The following PAK5 variants were observed in gnomAD, a reference collection of about 807,000 sequenced individuals.
PAK5 encodes the protein p21 (RAC1) activated kinase 5, also known as serine/threonine-protein kinase PAK 5.
A neutral mutation model predicts 65.9 loss-of-function variants in PAK5; 16 were observed. That is an observed-to-expected ratio of 0.24 (90% CI 0.16 to 0.37). The LOEUF is 0.37. Ranked by LOEUF, PAK5 falls within the 10% of genes least tolerant of loss-of-function variation. The pLI, the probability that PAK5 is intolerant of heterozygous loss-of-function variation, is 1.00. For missense variants in PAK5, 785 were observed against 903.9 expected (o/e 0.87, Z 1.69); for synonymous variants, 371 against 354.9 (o/e 1.05, Z -0.51).
intron 3 of PAK5, among the ~76,000 whole-genome samples, chr20:9,599,428 C>CTGTTTTCCACAGCAGCTGCACCATTT (rs1204029688): frequency 1.3e-5 from 2 of 152,208 alleles, no homozygotes; most frequent in Admixed American, 6.5e-5. Flanking sequence ...AATCAACAAA[C>CTGTTTTCCACAGCAGCTGCACCATTT]TGTTTTCCAC....
chr20:9,790,499 G>A (rs969699081), intron 1 of PAK5, among the ~76,000 whole-genome samples: 3 of 151,982 alleles, frequency 2.0e-5, no homozygotes, highest in Non-Finnish European at 2.9e-5. Flanking sequence ...CTTATAAAGA[G>A]TTGAATTTGA....
intron 1 of PAK5, among the ~76,000 whole-genome samples, chr20:9,785,217 G>T (rs1185346671): frequency 2.0e-5 from 3 of 152,102 alleles, no homozygotes; most frequent in African/African-American, 7.2e-5. Flanking sequence ...TTATTCCATA[G>T]TTATCATGCA....
At chr20:9,588,210 GAAGA>G (rs2046104274) in intron 3 of PAK5, among the ~76,000 whole-genome samples, 1 of 152,006 alleles carries the variant, frequency 6.6e-6, no homozygotes, top group Non-Finnish European at 1.5e-5. Context: ...CATTTAGAAA[GAAGA>G]AATTTTAATC....
At chr20:9,684,033 G>A (rs2047685274) in intron 2 of PAK5, among the ~76,000 whole-genome samples, 1 of 152,182 alleles carries the variant, frequency 6.6e-6, no homozygotes, top group Admixed American at 6.5e-5. Context: ...CTGGGTCCCT[G>A]ATGGAGCATG....
chr20:9,627,898 A>G (rs1324902454), intron 3 of PAK5, among the ~76,000 whole-genome samples: 8 of 152,214 alleles, frequency 5.3e-5, no homozygotes, highest in Non-Finnish European at 1.0e-4. Context: ...AAGTGCTGGG[A>G]TTATAGGCAT....
At chr20:9,748,696 C>T (rs564318334) in intron 1 of PAK5, among the ~76,000 whole-genome samples, 3 of 152,250 alleles carry the variant, frequency 2.0e-5, no homozygotes, top group East Asian at 3.9e-4. Flanking sequence ...CACATAACAA[C>T]TCAGACCAAG....
At chr20:9,663,821 G>T (rs2047377871) in intron 2 of PAK5, among the ~76,000 whole-genome samples, 1 of 152,076 alleles carries the variant, frequency 6.6e-6, no homozygotes, top group African/African-American at 2.4e-5. Flanking sequence ...TAAAGGTATT[G>T]CTTTATATTT....
intron 2 of PAK5, among the ~76,000 whole-genome samples, chr20:9,707,732 T>C (rs1325177419): frequency 1.3e-5 from 2 of 152,174 alleles, no homozygotes; most frequent in African/African-American, 4.8e-5. Flanking sequence ...TTGCCATAAA[T>C]AAGTCTTGGC....
intron 2 of PAK5, among the ~76,000 whole-genome samples, chr20:9,698,201 T>G (rs2047894458): frequency 1.3e-5 from 2 of 152,122 alleles, no homozygotes; most frequent in Non-Finnish European, 2.9e-5. Flanking sequence ...AACTATATAC[T>G]CTTTTTCTTT....
chr20:9,821,434 A>G (rs1006177750), intron 1 of PAK5, among the ~76,000 whole-genome samples: 2 of 152,110 alleles, frequency 1.3e-5, no homozygotes, highest in African/African-American at 2.4e-5. Context: ...CTCAAATCCA[A>G]GGTTAACTGT....
At chr20:9,603,522 G>C (rs1206868772) in intron 3 of PAK5, among the ~76,000 whole-genome samples, 1 of 152,116 alleles carries the variant, frequency 6.6e-6, no homozygotes, top group East Asian at 1.9e-4. Flanking sequence ...TACAGCTTCT[G>C]CCTGAGAAAA....
At chr20:9,709,663 G>C (rs1424477665) in intron 2 of PAK5, among the ~76,000 whole-genome samples, 1 of 152,110 alleles carries the variant, frequency 6.6e-6, no homozygotes, top group Non-Finnish European at 1.5e-5. Context: ...ATCTGGGGTG[G>C]AGGAAGGAAG....
intron 1 of PAK5, among the ~76,000 whole-genome samples, chr20:9,716,708 T>C (rs1345023455): frequency 6.6e-6 from 1 of 152,194 alleles, no homozygotes; most frequent in African/African-American, 2.4e-5. Context: ...CCTCTCATAT[T>C]TCTTTCTCTT....
At chr20:9,577,422 C>CGTG (rs1568975146) in intron 4 of PAK5, 2 of 151,974 alleles carry the variant, frequency 1.3e-5, no homozygotes, top group African/African-American at 4.8e-5. Context: ...TGTACACACA[C>CGTG]ATGACCCTCC....
At chr20:9,723,414 T>C (rs1011321062) in intron 1 of PAK5, among the ~76,000 whole-genome samples, 2 of 152,176 alleles carry the variant, frequency 1.3e-5, no homozygotes, top group Admixed American at 1.3e-4. Flanking sequence ...GATTTAAATG[T>C]GTTGGTTAGA....
At chr20:9,624,853 G>A (rs920319837) in intron 3 of PAK5, among the ~76,000 whole-genome samples, 6 of 152,122 alleles carry the variant, frequency 3.9e-5, no homozygotes, top group Non-Finnish European at 7.3e-5. Flanking sequence ...TACTAACTAT[G>A]AGCCCCAGTC....
At chr20:9,586,450 T>G (rs981679283) in intron 3 of PAK5, among the ~76,000 whole-genome samples, 4 of 152,050 alleles carry the variant, frequency 2.6e-5, no homozygotes, top group Admixed American at 2.6e-4. Flanking sequence ...AATTTACATG[T>G]CAAAAAGAGG....
At chr20:9,566,986 A>G (rs534581300) in intron 4 of PAK5, among the ~76,000 whole-genome samples, 68 of 152,190 alleles carry the variant, frequency 4.5e-4, no homozygotes, top group South Asian at 2.3e-3. Flanking sequence ...TCTGACTTGG[A>G]AGAGTGGGAT....
rs1202533846 is a variant in PAK5 at position 9,838,485 on chromosome 20, C to G, written c.-162+277G>C. ...TTCTCCTCCACGCCCTCCCGCCCAG[C>G]AAAATGGAACCATCCTTTATTTGGT... On this transcript the variant is annotated intron_variant, in intron 1 of 9. Transcript: ENST00000353224. This position sits in a 1 kb window ranked among gnomAD's most constrained non-coding sequence, Gnocchi z 4.5. Among the ~76,000 whole-genome samples, 1 of 152,176 alleles carries G rather than the reference C, an allele frequency of 6.6e-6. No individual in the cohort carries two copies. The highest frequency in any genetic ancestry group is 1.5e-5 in the Non-Finnish European group (1 of 68,036).
Sources: allele counts gnomAD v4.1 joint callset (sites outside exome capture counted in the v4.1 genomes callset), GRCh38; gene constraint gnomAD v4.1.1; non-coding constraint Gnocchi (gnomAD v3.1); transcripts MANE v1.5; gene names NCBI Gene and HGNC (gene_info 2026-07-23, HGNC 2026-07-21).